ERGIC2: variants seen among roughly 807,000 people sequenced by gnomAD.
The protein encoded by ERGIC2 is ERGIC and golgi 2.
Under a neutral mutation model 52.5 loss-of-function variants are expected in ERGIC2, and 31 were observed. That is an observed-to-expected ratio of 0.59 (90% CI 0.44 to 0.80). The LOEUF (loss-of-function observed/expected upper bound fraction) is 0.80, where lower values mean the gene tolerates loss of function less well. Ranked by LOEUF, ERGIC2 falls within the 30% of genes least tolerant of loss-of-function variation. The pLI is 0.00. For synonymous variants in ERGIC2, 129 were observed against 140.6 expected, an observed-to-expected ratio of 0.92 and a Z score of 0.58; for missense variants, 395 against 455.2, an observed-to-expected ratio of 0.87 and a Z score of 1.20.
intron 8 of ERGIC2, among the ~76,000 whole-genome samples, chr12:29,351,964 A>C (rs1463162958): frequency 6.6e-6 from 1 of 152,224 alleles, no homozygotes; most frequent in Non-Finnish European, 1.5e-5. Context: ...GTCATTGCTT[A>C]ATACGCAGGA....
At chr12:29,354,046 T>C (rs1180524895) in intron 8 of ERGIC2, among the ~76,000 whole-genome samples, 1 of 152,084 alleles carries the variant, frequency 6.6e-6, no homozygotes, top group Non-Finnish European at 1.5e-5. Flanking sequence ...GGGGTTGCTA[T>C]TGGGATTTAC....
chr12:29,354,584 A>G (rs564761408), intron 8 of ERGIC2, among the ~76,000 whole-genome samples: 1 of 152,308 alleles, frequency 6.6e-6, no homozygotes, highest in African/African-American at 2.4e-5. Flanking sequence ...GAGACCTTCA[A>G]AAAGATCAAT....
chr12:29,345,253 G>A (rs1940029270), intron 11 of ERGIC2, among the ~76,000 whole-genome samples, 190 bp downstream of exon 11: 1 of 152,016 alleles, frequency 6.6e-6, no homozygotes. Context: ...TATTGCTTTA[G>A]AATATACTAA....
chr12:29,371,676 G>A lies in ERGIC2; in HGVS notation c.-37-6C>T. 8.0e-7 allele frequency: 1 copy of A among 1,256,704 alleles called. No homozygotes were observed. Among genetic ancestry groups the A allele is most frequent in the East Asian group, 2.3e-5 (1 of 42,804 alleles). The allele number at this position is 1,256,704 out of a possible 1,614,324, so 77.8% of individuals were successfully genotyped here. On this transcript the variant is annotated splice_region_variant and splice_polypyrimidine_tract_variant and intron_variant, in intron 1 of 13. Coordinates refer to ENST00000360150, the MANE Select transcript of ERGIC2 (RefSeq NM_016570.3). ...TCTTCCTTCATATAGTCATGCTAAG[G>A]AATAAATAAATTAATGAATAAATGA...
At chr12:29,366,277 C>T (rs1940361392) in intron 5 of ERGIC2, among the ~76,000 whole-genome samples, 1 of 151,896 alleles carries the variant, frequency 6.6e-6, no homozygotes, top group Non-Finnish European at 1.5e-5. Context: ...GTATCTGCCA[C>T]TGAAATGTGA....
chr12:29,358,303 T>C (rs1413266045), intron 6 of ERGIC2, among the ~76,000 whole-genome samples: 1 of 152,236 alleles, frequency 6.6e-6, no homozygotes, highest in Non-Finnish European at 1.5e-5. Flanking sequence ...CTTTTAATTC[T>C]ATTTCTTCAA....
At chr12:29,371,453 A>T in intron 2 of ERGIC2, 75 bp downstream of exon 2, 2 of 951,700 alleles carry the variant, frequency 2.1e-6, no homozygotes, top group Non-Finnish European at 3.1e-6. Flanking sequence ...TCATGGCTAC[A>T]TTTCTATATG....
chr12:29,379,655 A>G (rs1940559841), intron 1 of ERGIC2, among the ~76,000 whole-genome samples: 1 of 152,222 alleles, frequency 6.6e-6, no homozygotes, highest in Non-Finnish European at 1.5e-5. Context: ...TGTATGTTTC[A>G]ACACATTCAA....
chr12:29,376,992 G>A (rs1940523780), intron 1 of ERGIC2, among the ~76,000 whole-genome samples: 1 of 152,024 alleles, frequency 6.6e-6, no homozygotes. Context: ...TTTTGTTTTT[G>A]GATGTCTTTA....
intron 6 of ERGIC2, among the ~76,000 whole-genome samples, chr12:29,359,382 T>C (rs1350890164): frequency 6.6e-6 from 1 of 152,052 alleles, no homozygotes; most frequent in Non-Finnish European, 1.5e-5. Flanking sequence ...CATACGTGTA[T>C]ATGTATGTAT....
chr12:29,340,924 G>T lies in ERGIC2; in HGVS notation c.*232C>A, dbSNP rs1238736427. On this transcript the variant is annotated 3_prime_UTR_variant, in exon 14 of 14. Coordinates refer to ENST00000360150, the MANE Select transcript of ERGIC2 (RefSeq NM_016570.3). ...GCGTCATCTTCAAAGCAACACTCCA[G>T]TTGGGCTTCTTCATCGTTTAGCTGC... is the stretch of plus-strand genomic sequence containing the variant. 1.9e-6 allele frequency: 1 copy of T among 539,482 alleles called. No homozygotes were observed. The highest frequency in any genetic ancestry group is 1.9e-5 in the South Asian group (1 of 51,930). The allele number at this position is 539,482 out of a possible 1,614,324, so 33.4% of individuals were successfully genotyped here.
rs1324121963 is a variant in ERGIC2 at position 29,357,672 on chromosome 12, C to T, written c.427G>A (p.Val143Met). The change falls in exon 7 of 14, where the codon GTG becomes ATG. Residue 143 changes from valine to methionine, a missense_variant. Physicochemically the swap from Val to Met is conservative, Grantham distance 21. Transcript: ENST00000360150. ...CTTTTAAAAGCACTTTTAAATATCA[C>T]ATCTTGAAGTGAATGCTCTTCTTGT... is the stretch of plus-strand genomic sequence containing the variant. ...RLQEEHSLQD[V>M]IFKSAFKSTS... 3.7e-6 allele frequency: 6 copies of T among 1,609,848 alleles called. No individual in the cohort carries two copies. Among genetic ancestry groups the T allele is most frequent in the Non-Finnish European group, 5.1e-6 (6 of 1,176,648 alleles).
Position 29,341,018 on chromosome 12 carries a change from T to A in ERGIC2, c.*138A>T. ...AATTTCAGTTTGGGTTTTTTTATCC[T>A]TTTTTTTCTTTTTTAAAATAAGTAT... is the stretch of plus-strand genomic sequence containing the variant. On this transcript the variant is annotated 3_prime_UTR_variant, in exon 14 of 14. Coordinates refer to ENST00000360150, the MANE Select transcript of ERGIC2 (RefSeq NM_016570.3). The A allele has an allele frequency of 1.5e-6, 1 of 688,588 alleles. No individual in the cohort carries two copies. Among genetic ancestry groups the A allele is most frequent in the African/African-American group, 1.8e-5 (1 of 54,350 alleles). 42.7% of individuals were successfully genotyped at this position (688,588 alleles called of 1,614,324 possible).
intron 11 of ERGIC2, among the ~76,000 whole-genome samples, chr12:29,344,880 A>G (rs1940024903): frequency 6.6e-6 from 1 of 152,182 alleles, no homozygotes; most frequent in Admixed American, 6.5e-5. Context: ...AAACTGTCCA[A>G]TTCCAAAACT....
chr12:29,369,524 T>C (rs1285769258), intron 3 of ERGIC2, among the ~76,000 whole-genome samples: 2 of 152,002 alleles, frequency 1.3e-5, no homozygotes, highest in Non-Finnish European at 2.9e-5. Context: ...TCCCTAAAAT[T>C]ATGTAAATGG....
At chr12:29,366,082 C>T (rs1301151428) in intron 5 of ERGIC2, among the ~76,000 whole-genome samples, 1 of 151,966 alleles carries the variant, frequency 6.6e-6, no homozygotes, top group Non-Finnish European at 1.5e-5. Context: ...CACCTTCACT[C>T]TTCACTTTGC....
In ERGIC2 at chr12:29,338,920, T is replaced by C. The variant is rs1490740385; in HGVS notation, c.*2236A>G. The stretch of plus-strand genomic sequence containing the variant: ...GGGTAACAAAGTAGGGTATCCTGGC[T>C]GGAGGCACCTCCAGGCATAGGGAAA... On this transcript the variant is annotated 3_prime_UTR_variant, in exon 14 of 14. Transcript: ENST00000360150. The C allele has an allele frequency of 6.6e-6, 1 of 152,188 alleles. No individual in the cohort carries two copies. Among genetic ancestry groups the C allele is most frequent in the Admixed American group, 6.5e-5 (1 of 15,280 alleles). 9.4% of individuals were successfully genotyped at this position (152,188 alleles called of 1,614,324 possible). A position where few individuals can be genotyped will look rare whatever the true frequency, so the allele number is the denominator to read the frequency against.
intron 5 of ERGIC2, among the ~76,000 whole-genome samples, chr12:29,362,595 C>CA (rs11289079): frequency 1.5e-3 from 210 of 137,154 alleles, no homozygotes; most frequent in East Asian, 4.9e-3. Context: ...AACTCCGTTT[C>CA]AAAAAAAAAA....
rs374188900 is a variant in ERGIC2, at chr12:29,367,008, T to A, written c.263-61A>T. 5 of 894,734 alleles carry A rather than the reference T, an allele frequency of 5.6e-6. No homozygotes were observed. The African/African-American group carries it at 7.8e-5, about 14-fold the overall frequency. The allele number at this position is 894,734 out of a possible 1,614,324, so 55.4% of individuals were successfully genotyped here. A position where few individuals can be genotyped will look rare whatever the true frequency, so the allele number is the denominator to read the frequency against. On this transcript the variant is annotated intron_variant, in intron 4 of 13. Coordinates refer to ENST00000360150, the MANE Select transcript of ERGIC2 (RefSeq NM_016570.3). ...ATGCTTGGAGGCAAACCATCCCCAATATAAACAAATTAAGCCAACTAACAG... is the reference window on the plus strand; with the variant it reads ...ATGCTTGGAGGCAAACCATCCCCAAAATAAACAAATTAAGCCAACTAACAG...
Sources: gnomAD v4.1 joint callset for allele counts (sites outside exome capture counted in the v4.1 genomes callset) on GRCh38, gnomAD v4.1.1 for gene constraint, MANE v1.5 for transcripts, NCBI Gene and HGNC (gene_info 2026-07-23, HGNC 2026-07-21) for gene names.